GRIA1: variants seen among roughly 807,000 people sequenced by gnomAD.
GRIA1 encodes the protein glutamate receptor 1.
In GRIA1, 31 loss-of-function variants were observed where a neutral mutation model predicts 99.2. The ratio of observed to expected loss-of-function variants is 0.31; its 90% confidence interval spans 0.23 to 0.42. The LOEUF is 0.42. Ranked by LOEUF, GRIA1 falls within the 10% of genes least tolerant of loss-of-function variation. GRIA1 has a pLI of 1.00. For missense variants in GRIA1, 782 were observed against 1,157.5 expected, an observed-to-expected ratio of 0.68 and a Z score of 4.71; for synonymous variants, 438 against 432.4, an observed-to-expected ratio of 1.01 and a Z score of -0.16.
chr5:153,494,989 G>A (rs4145160), intron 2 of GRIA1, among the ~76,000 whole-genome samples: 20,975 of 152,116 alleles, frequency 0.14, 2,557 homozygotes, highest in East Asian at 0.59. Flanking sequence ...TGTCTCTGGT[G>A]GAAGTCATGG....
chr5:153,699,831 G>T (rs996032850), intron 10 of GRIA1, among the ~76,000 whole-genome samples: 1 of 152,112 alleles, frequency 6.6e-6, no homozygotes, highest in African/African-American at 2.4e-5. Context: ...CAGCAGTTTT[G>T]AAAAGCTGCT....
chr5:153,676,898 T>C (rs967607219), intron 6 of GRIA1, 96 bp from the exon 7 acceptor site: 30 of 1,021,506 alleles, frequency 2.9e-5, no homozygotes, highest in Non-Finnish European at 3.8e-5. Flanking sequence ...TGCACACCCT[T>C]CTCATCACCA....
chr5:153,579,601 A>G (rs1017586602), intron 2 of GRIA1, among the ~76,000 whole-genome samples: 1 of 152,240 alleles, frequency 6.6e-6, no homozygotes, highest in Non-Finnish European at 1.5e-5. Context: ...TTAGTAATGC[A>G]TATAGATATA....
At chr5:153,790,789 C>T (rs1344799143) in intron 13 of GRIA1, among the ~76,000 whole-genome samples, 1 of 152,124 alleles carries the variant, frequency 6.6e-6, no homozygotes, top group Non-Finnish European at 1.5e-5. Flanking sequence ...GGTCCTCCCA[C>T]ACCCACTTTA....
At chr5:153,607,725 A>T (rs564220389) in intron 2 of GRIA1, among the ~76,000 whole-genome samples, 1 of 152,140 alleles carries the variant, frequency 6.6e-6, no homozygotes, top group East Asian at 1.9e-4. Flanking sequence ...AGTTTTATTT[A>T]TTTAACTGCT....
chr5:153,740,692 G>C (rs1357821158), intron 11 of GRIA1, among the ~76,000 whole-genome samples: 1 of 152,180 alleles, frequency 6.6e-6, no homozygotes, highest in Non-Finnish European at 1.5e-5. Context: ...AAAATTGCTG[G>C]TCCATTTCCA....
intron 11 of GRIA1, among the ~76,000 whole-genome samples, chr5:153,710,486 G>A (rs1759233233): frequency 6.6e-6 from 1 of 152,156 alleles, no homozygotes; most frequent in Non-Finnish European, 1.5e-5. Flanking sequence ...GCCTCCTGAA[G>A]TGCTGGGATT....
intron 11 of GRIA1, among the ~76,000 whole-genome samples, chr5:153,719,757 G>A (rs907018453): frequency 2.6e-5 from 4 of 152,182 alleles, no homozygotes; most frequent in Admixed American, 2.0e-4. Flanking sequence ...ATTGTAAGGT[G>A]TGGAATGGAG....
intron 11 of GRIA1, among the ~76,000 whole-genome samples, chr5:153,726,696 T>C (rs1344863108): frequency 6.6e-6 from 1 of 152,216 alleles, no homozygotes; most frequent in Non-Finnish European, 1.5e-5. Context: ...CAGCAAGAAG[T>C]TGAATATCTG....
chr5:153,683,492 C>T (rs1355109047), intron 7 of GRIA1, among the ~76,000 whole-genome samples: 1 of 152,178 alleles, frequency 6.6e-6, no homozygotes, highest in Non-Finnish European at 1.5e-5. Context: ...TCTGGCTACT[C>T]ACTGGGTTTC....
At chr5:153,692,728 C>G (rs1275571212) in intron 8 of GRIA1, among the ~76,000 whole-genome samples, 1 of 152,110 alleles carries the variant, frequency 6.6e-6, no homozygotes, top group African/African-American at 2.4e-5. Context: ...AAGCAAGGAC[C>G]ATATTTGTAT....
intron 2 of GRIA1, among the ~76,000 whole-genome samples, chr5:153,529,130 T>A (rs1297487572): frequency 6.6e-6 from 1 of 152,238 alleles, no homozygotes; most frequent in African/African-American, 2.4e-5. Flanking sequence ...GACTTAGCTG[T>A]CTTTATTCTA....
intron 2 of GRIA1, among the ~76,000 whole-genome samples, chr5:153,520,481 T>G (rs920412787): frequency 7.9e-5 from 12 of 152,108 alleles, no homozygotes; most frequent in Non-Finnish European, 1.8e-4. Flanking sequence ...TTTGTTCTAA[T>G]GAAAGACAGG....
chr5:153,795,675 T>C, intron 14 of GRIA1: 6 of 759,812 alleles, frequency 7.9e-6, no homozygotes, highest in Non-Finnish European at 1.3e-5. Context: ...CAGAGAGGCT[T>C]GGAGGCCTTA....
chr5:153,603,828 A>T (rs1765216595), intron 2 of GRIA1, among the ~76,000 whole-genome samples: 1 of 152,184 alleles, frequency 6.6e-6, no homozygotes, highest in African/African-American at 2.4e-5. Flanking sequence ...CTCAACTTTC[A>T]TCTGTGTGAC....
intron 2 of GRIA1, among the ~76,000 whole-genome samples, chr5:153,626,444 C>G (rs75440715): frequency 0.037 from 5,205 of 142,420 alleles, 132 homozygotes; most frequent in Non-Finnish European, 0.055. Flanking sequence ...GTGTGTGTGT[C>G]TGTGTGTGTG....
intron 13 of GRIA1, among the ~76,000 whole-genome samples, chr5:153,782,394 A>G (rs1764689183): frequency 6.6e-6 from 1 of 152,210 alleles, no homozygotes; most frequent in South Asian, 2.1e-4. Context: ...GAACAGGGCT[A>G]TGTGTCTTAT....
Position 153,683,015 on chromosome 5 carries a change from G to A in GRIA1, c.1030-3210G>A, listed in dbSNP as rs116221039. On this transcript the variant is annotated intron_variant, in intron 7 of 15. Coordinates refer to ENST00000285900, the MANE Select transcript of GRIA1 (RefSeq NM_000827.4). ...ATCTTTCATGGAGGGAGTTGAGGGC[G>A]CCAGGATGGCGACAGAAGTTCCGGG... is the stretch of plus-strand genomic sequence containing the variant. Among the ~76,000 whole-genome samples the A allele has an allele frequency of 5.7e-3, 862 of 152,282 alleles. 13 individuals are homozygous for A. Among genetic ancestry groups the A allele is most frequent in the African/African-American group, 0.02 (818 of 41,570 alleles).
chr5:153,689,995 G>T (rs902835669), intron 8 of GRIA1, among the ~76,000 whole-genome samples: 1 of 152,188 alleles, frequency 6.6e-6, no homozygotes, highest in East Asian at 1.9e-4. Flanking sequence ...GAACTTCTCA[G>T]AAGTGGAGGC....
Sources: allele counts gnomAD v4.1 joint callset (sites outside exome capture counted in the v4.1 genomes callset), GRCh38; gene constraint gnomAD v4.1.1; transcripts MANE v1.5; gene names NCBI Gene and HGNC (gene_info 2026-07-23, HGNC 2026-07-21).